Variants in PATJ observed in about 807,000 individuals in gnomAD.
PATJ encodes PATJ crumbs cell polarity complex component, also known as inaD-like protein.
PATJ carries 190 observed loss-of-function variants against 224.9 expected under a neutral mutation model. The observed-to-expected ratio is 0.84, with a 90% CI of 0.75 to 0.95. The LOEUF (loss-of-function observed/expected upper bound fraction) is 0.95. PATJ is among the 40% of genes least tolerant of loss of function. The pLI is 0.00. For synonymous variants in PATJ, 769 were observed against 820.3 expected (o/e 0.94, Z 1.07); for missense variants, 2,121 against 2,270.3 (o/e 0.93, Z 1.34).
intron 17 of PATJ, among the ~76,000 whole-genome samples, chr1:61,844,065 A>G: frequency 6.6e-6 from 1 of 152,228 alleles, no homozygotes; most frequent in Non-Finnish European, 1.5e-5. Flanking sequence ...CAGACAGCGG[A>G]CAAATAAGCA....
At chr1:61,871,503 A>ATATATATGTGTATATATG (rs1666557357) in intron 20 of PATJ, among the ~76,000 whole-genome samples, 1 of 134,658 alleles carries the variant, frequency 7.4e-6, no homozygotes, top group Admixed American at 7.6e-5. Flanking sequence ...GTATATATAC[A>ATATATATGTGTATATATG]TATATACGCA....
chr1:61,789,001 G>A (rs538304529), intron 8 of PATJ, among the ~76,000 whole-genome samples: 26 of 152,240 alleles, frequency 1.7e-4, no homozygotes, highest in African/African-American at 6.0e-4. Flanking sequence ...GAGGGTCCAG[G>A]AGGAAGAGGA....
At chr1:61,975,552 C>T (rs887608926) in intron 27 of PATJ, among the ~76,000 whole-genome samples, 15 of 151,912 alleles carry the variant, frequency 9.9e-5, no homozygotes, top group African/African-American at 3.4e-4. Flanking sequence ...GCCCTTAATC[C>T]GGTGTACATC....
intron 27 of PATJ, among the ~76,000 whole-genome samples, chr1:61,975,049 A>G (rs1358890202): frequency 2.0e-5 from 3 of 152,096 alleles, no homozygotes; most frequent in Middle Eastern, 3.4e-3. Context: ...GGTTCAGGCA[A>G]TCCTCCCACT....
rs116366059 is a variant in PATJ, at chr1:62,004,466, G to T, written c.3868-13390G>T. On this transcript the variant is annotated intron_variant, in intron 28 of 43. Transcript: ENST00000642238. ...ATTCTGATTTCATAGGACTAAAAAT[G>T]AGTTACTTATACTATGGCTTTTTTT... 7.8e-3 allele frequency among the ~76,000 whole-genome samples: 1,185 copies of T among 152,266 alleles called. 15 individuals are homozygous for T. The highest frequency in any genetic ancestry group is 0.027 in the African/African-American group (1,130 of 41,542).
chr1:61,954,039 G>A (rs1680086213), intron 27 of PATJ, among the ~76,000 whole-genome samples: 1 of 152,156 alleles, frequency 6.6e-6, no homozygotes. Context: ...CTTTTAGAAA[G>A]GCTGTTAACT....
At chr1:61,938,578 G>A (rs1296439845) in intron 27 of PATJ, among the ~76,000 whole-genome samples, 1 of 152,106 alleles carries the variant, frequency 6.6e-6, no homozygotes, top group East Asian at 1.9e-4. Flanking sequence ...GGCTGTGTGT[G>A]GTGGCTCACA....
chr1:61,955,499 G>A lies in PATJ; in HGVS notation c.3670+27670G>A, dbSNP rs7538041. Reference sequence around the variant, plus strand: ...CAAGCCTGGCTTGTAGGAGGGAAACGATAGCAATGATCTGTGCCAAGAGGG... The same window carrying A: ...CAAGCCTGGCTTGTAGGAGGGAAACAATAGCAATGATCTGTGCCAAGAGGG... On this transcript the variant is annotated intron_variant, in intron 27 of 43. Transcript: ENST00000642238. Among the ~76,000 whole-genome samples the A allele has an allele frequency of 2.8e-3, 431 of 152,208 alleles. 1 individual carries two copies. The highest frequency in any genetic ancestry group is 9.8e-3 in the African/African-American group (407 of 41,544).
At chr1:61,899,328 A>G (rs1478423288) in intron 22 of PATJ, among the ~76,000 whole-genome samples, 1 of 152,204 alleles carries the variant, frequency 6.6e-6, no homozygotes, top group Non-Finnish European at 1.5e-5. Flanking sequence ...GCAAACTTTT[A>G]GTGTCTAGAA....
Position 62,016,924 on chromosome 1 carries a change from A to G in PATJ, c.3868-932A>G, listed in dbSNP as rs573053441. On this transcript the variant is annotated intron_variant, in intron 28 of 43. Coordinates refer to ENST00000642238, the MANE Select transcript of PATJ (RefSeq NM_001350145.3). Reference sequence around the variant, plus strand: ...TGGTCTGTTTTCAACATTTTTAAGGAATCTGGGAAAGCTGTAGGAAATGAA... The same window carrying G: ...TGGTCTGTTTTCAACATTTTTAAGGGATCTGGGAAAGCTGTAGGAAATGAA... Among the ~76,000 whole-genome samples, 23 of 152,312 alleles carry G rather than the reference A, an allele frequency of 1.5e-4. No individual in the cohort carries two copies. In the South Asian group the frequency reaches 2.1e-3, roughly 14 times the overall value.
At chr1:61,747,715 C>T (rs1173045096) in intron 1 of PATJ, among the ~76,000 whole-genome samples, 1 of 151,944 alleles carries the variant, frequency 6.6e-6, no homozygotes, top group Non-Finnish European at 1.5e-5. Flanking sequence ...CCTAAAAACA[C>T]GGTGGAGGAA....
chr1:61,978,904 G>T (rs1644294926), intron 27 of PATJ, among the ~76,000 whole-genome samples: 1 of 152,036 alleles, frequency 6.6e-6, no homozygotes, highest in Admixed American at 6.5e-5. Context: ...TTGGGAGAAA[G>T]GCTCTGTTAC....
chr1:61,985,142 T>C (rs11207889), intron 27 of PATJ, among the ~76,000 whole-genome samples: 38,333 of 151,788 alleles, frequency 0.25, 5,162 homozygotes, highest in East Asian at 0.45. Context: ...TGAAATCCCA[T>C]CTCTACTAAA....
At chr1:61,767,101 T>G (rs927435070) in intron 4 of PATJ, among the ~76,000 whole-genome samples, 14 of 152,108 alleles carry the variant, frequency 9.2e-5, no homozygotes, top group African/African-American at 3.1e-4. Context: ...AAATTAGAAC[T>G]AATGTAATTT....
intron 20 of PATJ, among the ~76,000 whole-genome samples, chr1:61,866,812 G>T (rs1262395739): frequency 1.3e-5 from 2 of 152,128 alleles, no homozygotes; most frequent in Admixed American, 1.3e-4. Flanking sequence ...TAAAAGAATG[G>T]CTACTCCATA....
At chr1:61,977,195 C>T (rs1287931010) in intron 27 of PATJ, among the ~76,000 whole-genome samples, 1 of 152,090 alleles carries the variant, frequency 6.6e-6, no homozygotes, top group Admixed American at 6.5e-5. Context: ...TCAAGGGATT[C>T]TCCAACCTCA....
At chr1:61,963,899 A>G (rs1681686610) in intron 27 of PATJ, among the ~76,000 whole-genome samples, 1 of 152,174 alleles carries the variant, frequency 6.6e-6, no homozygotes, top group Admixed American at 6.5e-5. Context: ...TATCCAAATC[A>G]GAAGGGAGTG....
intron 1 of PATJ, among the ~76,000 whole-genome samples, chr1:61,753,114 T>C (rs1645423091): frequency 6.6e-6 from 1 of 152,146 alleles, no homozygotes. Context: ...AAGGAAACAA[T>C]AGAAACTTAA....
intron 1 of PATJ, among the ~76,000 whole-genome samples, chr1:61,753,756 T>G (rs1645463785): frequency 6.6e-6 from 1 of 151,870 alleles, no homozygotes; most frequent in Non-Finnish European, 1.5e-5. Context: ...GTGATCCACC[T>G]GCCTTGGCCT....
Sources: allele counts gnomAD v4.1 joint callset (sites outside exome capture counted in the v4.1 genomes callset), GRCh38; gene constraint gnomAD v4.1.1; transcripts MANE v1.5; gene names NCBI Gene and HGNC (gene_info 2026-07-23, HGNC 2026-07-21).